Variants in DDX10 observed in about 807,000 individuals in gnomAD.
DDX10 encodes probable ATP-dependent RNA helicase DDX10.
In DDX10, 74 loss-of-function variants were observed where a neutral mutation model predicts 104.3. The ratio of observed to expected loss-of-function variants is 0.71; its 90% CI spans 0.59 to 0.86. The LOEUF (loss-of-function observed/expected upper bound fraction) is 0.86, where lower values mean the gene tolerates loss of function less well. Among genes scored for constraint, DDX10 ranks in the 40% least tolerant of loss-of-function variants. The pLI is 0.00. For missense variants in DDX10, 952 were observed against 1,040.0 expected (o/e 0.92, Z 1.16); for synonymous variants, 351 against 353.4 (o/e 0.99, Z 0.08).
intron 13 of DDX10, among the ~76,000 whole-genome samples, chr11:108,807,982 G>A (rs143279442): frequency 4.1e-4 from 62 of 152,290 alleles, no homozygotes; most frequent in Admixed American, 7.8e-4. Flanking sequence ...GAGGCACAGT[G>A]CGAAGCTGTA....
chr11:108,887,138 G>A lies in DDX10; in HGVS notation c.2305-30735G>A, dbSNP rs369302959. ...CCTACAAATTAGAATATTTTTAATAGAGAAAAGGAAAATTGGGGTGTTTAT... is the reference window on the plus strand; with the variant it reads ...CCTACAAATTAGAATATTTTTAATAAAGAAAAGGAAAATTGGGGTGTTTAT... On this transcript the variant is annotated intron_variant, in intron 16 of 17. Transcript: ENST00000322536. Among the ~76,000 whole-genome samples the A allele has an allele frequency of 3.7e-4, 56 of 152,190 alleles. No individual in the cohort carries two copies. In the East Asian group the frequency reaches 0.01, roughly 28 times the overall value.
At chr11:108,803,015 A>AT (rs2134559841) in intron 13 of DDX10, among the ~76,000 whole-genome samples, 1 of 152,356 alleles carries the variant, frequency 6.6e-6, no homozygotes, top group South Asian at 2.1e-4. Context: ...AGAGAAGGCA[A>AT]TTGGAATTGA....
chr11:108,816,487 C>T (rs1349161037), intron 13 of DDX10, among the ~76,000 whole-genome samples: 1 of 152,002 alleles, frequency 6.6e-6, no homozygotes. Flanking sequence ...TATCCAGACT[C>T]TACCACATTG....
intron 16 of DDX10, among the ~76,000 whole-genome samples, chr11:108,862,533 T>G (rs1044017603): frequency 1.3e-5 from 2 of 152,244 alleles, no homozygotes; most frequent in African/African-American, 4.8e-5. Flanking sequence ...AAATACACAT[T>G]TCTTTTAAAA....
At chr11:108,859,456 AAG>A (rs1555034271) in intron 16 of DDX10, among the ~76,000 whole-genome samples, 1 of 151,780 alleles carries the variant, frequency 6.6e-6, no homozygotes, top group East Asian at 1.9e-4. Context: ...TGTAAAAAAA[AAG>A]GGCTGTGTGT....
chr11:108,734,524 A>T (rs1330039573), intron 13 of DDX10, among the ~76,000 whole-genome samples: 1 of 152,070 alleles, frequency 6.6e-6, no homozygotes, highest in Admixed American at 6.6e-5. Flanking sequence ...GAGGATGTAA[A>T]TTTTCAGTGG....
At chr11:108,742,291 G>A (rs2094326159) in intron 13 of DDX10, among the ~76,000 whole-genome samples, 3 of 149,986 alleles carry the variant, frequency 2.0e-5, no homozygotes, top group African/African-American at 7.4e-5. Flanking sequence ...AAAAACCCTG[G>A]GCATGGTGGC....
intron 13 of DDX10, among the ~76,000 whole-genome samples, chr11:108,785,737 T>A (rs1449108199): frequency 1.3e-5 from 2 of 152,182 alleles, no homozygotes. Flanking sequence ...CATAATCGTC[T>A]CCAATCTTTT....
chr11:108,864,835 G>A (rs1862988108), intron 16 of DDX10, among the ~76,000 whole-genome samples: 2 of 152,092 alleles, frequency 1.3e-5, no homozygotes, highest in African/African-American at 4.8e-5. Flanking sequence ...ATGGCAGAAT[G>A]TATACTAGAA....
intron 9 of DDX10, among the ~76,000 whole-genome samples, chr11:108,703,098 A>G (rs1435726915): frequency 1.3e-5 from 2 of 152,140 alleles, no homozygotes; most frequent in Non-Finnish European, 2.9e-5. Flanking sequence ...ATAATACTGT[A>G]TTGTATTCTT....
At chr11:108,670,306 G>A (rs2094215326) in intron 1 of DDX10, among the ~76,000 whole-genome samples, 1 of 152,084 alleles carries the variant, frequency 6.6e-6, no homozygotes, top group South Asian at 2.1e-4. Flanking sequence ...GGGAATGTCC[G>A]TGAAGGCTGA....
At chr11:108,876,794 C>A (rs1347586661) in intron 16 of DDX10, among the ~76,000 whole-genome samples, 2 of 152,068 alleles carry the variant, frequency 1.3e-5, no homozygotes, top group African/African-American at 2.4e-5. Context: ...AAATCACATC[C>A]TTTTTTTGAT....
intron 13 of DDX10, among the ~76,000 whole-genome samples, chr11:108,773,384 T>C (rs2094365808): frequency 1.3e-5 from 2 of 152,236 alleles, no homozygotes; most frequent in Admixed American, 1.3e-4. Flanking sequence ...TGTTGATGTC[T>C]TGTCTTTTGG....
At chr11:108,730,321 T>C (rs1303401730) in intron 13 of DDX10, among the ~76,000 whole-genome samples, 2 of 152,182 alleles carry the variant, frequency 1.3e-5, no homozygotes, top group Non-Finnish European at 2.9e-5. Flanking sequence ...CCCTTATGAC[T>C]GAAAGTCTCG....
At chr11:108,830,258 C>G (rs952653415) in intron 13 of DDX10, among the ~76,000 whole-genome samples, 9 of 152,078 alleles carry the variant, frequency 5.9e-5, no homozygotes, top group African/African-American at 1.9e-4. Flanking sequence ...TGTAGTTTTC[C>G]TTGTGGTTTT....
At chr11:108,856,984 A>G (rs924370465) in intron 16 of DDX10, among the ~76,000 whole-genome samples, 6 of 152,042 alleles carry the variant, frequency 3.9e-5, no homozygotes, top group African/African-American at 1.4e-4. Context: ...TATTTGAAAT[A>G]TTGTTTTCCT....
intron 13 of DDX10, among the ~76,000 whole-genome samples, chr11:108,809,561 GA>G (rs1323593503): frequency 6.6e-6 from 1 of 152,200 alleles, no homozygotes; most frequent in African/African-American, 2.4e-5. Context: ...GTGAAGGTAA[GA>G]ATGGAAGAGT....
At chr11:108,712,342 T>A (rs147101134) in intron 10 of DDX10, among the ~76,000 whole-genome samples, 1 of 152,372 alleles carries the variant, frequency 6.6e-6, no homozygotes, top group East Asian at 1.9e-4. Context: ...TATTCGTTAC[T>A]GTTTTTTGTT....
chr11:108,935,367 G>A (rs928204013), intron 17 of DDX10, among the ~76,000 whole-genome samples: 1 of 152,088 alleles, frequency 6.6e-6, no homozygotes, highest in African/African-American at 2.4e-5. Context: ...GGTTACAGAG[G>A]CAGGCTTATA....
Sources: allele counts gnomAD v4.1 joint callset (sites outside exome capture counted in the v4.1 genomes callset), GRCh38; gene constraint gnomAD v4.1.1; transcripts MANE v1.5; gene names NCBI Gene and HGNC (gene_info 2026-07-23, HGNC 2026-07-21).